Variants in ANKRD33B observed in about 807,000 individuals in gnomAD.
ANKRD33B encodes the protein ankyrin repeat domain 33B, also known as ankyrin repeat domain-containing protein 33B.
ANKRD33B carries 6 observed loss-of-function variants against 21.5 expected under a neutral mutation model. The ratio of observed to expected loss-of-function variants is 0.28; its 90% CI spans 0.15 to 0.55. The LOEUF (loss-of-function observed/expected upper bound fraction) is 0.55. Ranked by LOEUF, ANKRD33B falls within the 20% of genes least tolerant of loss-of-function variation. The pLI is 0.94. For synonymous variants in ANKRD33B, 347 were observed against 342.4 expected (o/e 1.01, Z -0.15); for missense variants, 698 against 747.2 (o/e 0.93, Z 0.77).
chr5:10,631,107 C>T (rs6875376), intron 2 of ANKRD33B, among the ~76,000 whole-genome samples: 34,831 of 151,966 alleles, frequency 0.23, 4,099 homozygotes, highest in Middle Eastern at 0.34. Context: ...TTAGGCTGGC[C>T]TTAGGGAAAA....
At chr5:10,628,474 G>A (rs1047346611) in intron 2 of ANKRD33B, among the ~76,000 whole-genome samples, 2 of 152,022 alleles carry the variant, frequency 1.3e-5, no homozygotes, top group African/African-American at 4.8e-5. Flanking sequence ...GAACCATTGC[G>A]CTCGGCCAGC....
At chr5:10,615,041 C>A (rs1047149150) in intron 1 of ANKRD33B, among the ~76,000 whole-genome samples, 4 of 152,108 alleles carry the variant, frequency 2.6e-5, no homozygotes, top group African/African-American at 9.7e-5. Flanking sequence ...TAGTCCAGAG[C>A]AGAACCCTTC....
chr5:10,641,208 G>GTCTTCTTCT (rs554853704), intron 3 of ANKRD33B, among the ~76,000 whole-genome samples: 6,640 of 121,548 alleles, frequency 0.055, 436 homozygotes, highest in Middle Eastern at 0.11. Flanking sequence ...GTTGTCCCCA[G>GTCTTCTTCT]TCTTCTTCTT....
At chr5:10,603,361 C>G (rs922357976) in intron 1 of ANKRD33B, among the ~76,000 whole-genome samples, 1 of 151,972 alleles carries the variant, frequency 6.6e-6, no homozygotes, top group Non-Finnish European at 1.5e-5. Flanking sequence ...CTCCCAGGTT[C>G]AAGTGATTCT....
chr5:10,649,167 G>A (rs929413930), intron 3 of ANKRD33B, 99 bp from the exon 4 acceptor site: 5 of 1,436,446 alleles, frequency 3.5e-6, no homozygotes, highest in Admixed American at 2.6e-5. Context: ...GGCCAGGGGT[G>A]GGGGGTGGGG....
Position 10,620,127 on chromosome 5 carries a change from C to T in ANKRD33B, c.496+1665C>T, listed in dbSNP as rs971581131. Among the ~76,000 whole-genome samples the T allele has an allele frequency of 1.9e-4, 29 of 151,998 alleles. No individual in the cohort carries two copies. In the East Asian group the frequency reaches 4.9e-3, roughly 25 times the overall value. ...AATGTATTTCAGTAGCGTGAGGCTGCGTGAGTGGTGACAGGGGTGAGAGGA... is the reference window on the plus strand; with the variant it reads ...AATGTATTTCAGTAGCGTGAGGCTGTGTGAGTGGTGACAGGGGTGAGAGGA... On this transcript the variant is annotated intron_variant, in intron 2 of 3. Coordinates refer to ENST00000296657, the MANE Select transcript of ANKRD33B (RefSeq NM_001164440.2).
At position 10,618,407 on chromosome 5, in the gene ANKRD33B, C is replaced by T. The variant is rs568552373; in HGVS notation, c.441C>T (p.Asp147=). ...VVALAECPHV[D]VNWQDSEGNT... is the part of the protein sequence containing the mutation. Reference sequence around the variant, plus strand: ...CCTTAGCAGAGTGCCCCCACGTTGACGTCAACTGGCAGGACAGCGAGGGGA... The same window carrying T: ...CCTTAGCAGAGTGCCCCCACGTTGATGTCAACTGGCAGGACAGCGAGGGGA... The change falls in exon 2 of 4, where the codon GAC becomes GAT. Residue 147 remains aspartate (D), a synonymous_variant. Transcript: ENST00000296657. The T allele has an allele frequency of 3.6e-5, 56 of 1,537,618 alleles. No individual in the cohort carries two copies. Among genetic ancestry groups the T allele is most frequent in the African/African-American group, 1.6e-4 (12 of 73,182 alleles).
intron 2 of ANKRD33B, chr5:10,625,300 G>A (rs1350955711): frequency 6.3e-6 from 1 of 157,978 alleles, no homozygotes; most frequent in African/African-American, 2.4e-5. Flanking sequence ...AGTATTATCA[G>A]GGAGGAAGAA....
chr5:10,637,616 T>G (rs902430198), intron 2 of ANKRD33B, among the ~76,000 whole-genome samples: 5 of 152,102 alleles, frequency 3.3e-5, no homozygotes, highest in Admixed American at 6.5e-5. Flanking sequence ...GAAGCGGTTC[T>G]GAAGCTCATT....
rs1049768794 is a variant in ANKRD33B, at chr5:10,587,731, C to G, written c.366+22898C>G. ...ATTAGCTATCTGTAAAGTTATCTAT[C>G]TATAAATAAAGTTTTGAGTCCTGGT... On this transcript the variant is annotated intron_variant, in intron 1 of 3. Coordinates refer to ENST00000296657, the MANE Select transcript of ANKRD33B (RefSeq NM_001164440.2). 6.6e-5 allele frequency among the ~76,000 whole-genome samples: 10 copies of G among 152,238 alleles called. No individual in the cohort carries two copies. The East Asian group carries it at 1.9e-3, about 29-fold the overall frequency.
chr5:10,610,627 C>T (rs1394059321), intron 1 of ANKRD33B, among the ~76,000 whole-genome samples: 3 of 152,214 alleles, frequency 2.0e-5, no homozygotes, highest in African/African-American at 4.8e-5. Flanking sequence ...ATAGCAGTCA[C>T]GATGCATTTG....
intron 2 of ANKRD33B, among the ~76,000 whole-genome samples, chr5:10,629,015 A>T (rs1319533965): frequency 2.0e-5 from 3 of 151,956 alleles, no homozygotes; most frequent in Admixed American, 2.0e-4. Flanking sequence ...CATAAAGTGG[A>T]TTGGGAGGGC....
intron 1 of ANKRD33B, among the ~76,000 whole-genome samples, chr5:10,601,243 G>A (rs1010225513): frequency 1.3e-5 from 2 of 152,144 alleles, no homozygotes; most frequent in African/African-American, 4.8e-5. Flanking sequence ...AGGAAAATCT[G>A]ATCACGCTGC....
Position 10,640,281 on chromosome 5 carries a change from A to T in ANKRD33B, c.637+2113A>T, listed in dbSNP as rs575089240. Among the ~76,000 whole-genome samples, 3 of 152,278 alleles carry T rather than the reference A, an allele frequency of 2.0e-5. No homozygotes were observed. In the South Asian group the frequency reaches 6.2e-4, roughly 32 times the overall value. On this transcript the variant is annotated intron_variant, in intron 3 of 3. Transcript: ENST00000296657. The stretch of plus-strand genomic sequence containing the variant: ...AATTCTCAGGCTATCAACCTGGATC[A>T]ACCCCTCTTTGTCTTTTGCGCCATC...
At chr5:10,638,935 G>A (rs1222205702) in intron 3 of ANKRD33B, among the ~76,000 whole-genome samples, 4 of 140,396 alleles carry the variant, frequency 2.8e-5, no homozygotes, top group Admixed American at 1.4e-4. Flanking sequence ...GGAGTTGCGC[G>A]GCGATATTAG....
chr5:10,618,145 C>T (rs59019270), intron 1 of ANKRD33B, among the ~76,000 whole-genome samples, 188 bp from the exon 2 acceptor site: 8,959 of 152,266 alleles, frequency 0.059, 839 homozygotes, highest in African/African-American at 0.2. Context: ...AGTCAGTGCT[C>T]AACACACATT....
At chr5:10,637,462 A>ACACACACACGG (rs1491289427) in intron 2 of ANKRD33B, among the ~76,000 whole-genome samples, 155 of 114,614 alleles carry the variant, frequency 1.4e-3, no homozygotes, top group African/African-American at 4.6e-3. Context: ...ACACACACAC[A>ACACACACACGG]CGGCGGCGGG....
At chr5:10,566,180 A>G (rs1735052232) in intron 1 of ANKRD33B, among the ~76,000 whole-genome samples, 1 of 152,162 alleles carries the variant, frequency 6.6e-6, no homozygotes, top group Admixed American at 6.5e-5. Context: ...TGTGCTTGTC[A>G]TATGTTAGGC....
At chr5:10,588,386 G>C (rs748542535) in intron 1 of ANKRD33B, among the ~76,000 whole-genome samples, 1 of 152,158 alleles carries the variant, frequency 6.6e-6, no homozygotes, top group Non-Finnish European at 1.5e-5. Context: ...CTTCCTAGTG[G>C]ACATTGAGGT....
Sources: allele counts gnomAD v4.1 joint callset (sites outside exome capture counted in the v4.1 genomes callset), GRCh38; gene constraint gnomAD v4.1.1; transcripts MANE v1.5; gene names NCBI Gene and HGNC (gene_info 2026-07-23, HGNC 2026-07-21).